Variants in EYS observed in about 807,000 individuals in gnomAD.
EYS encodes protein eyes shut homolog.
In EYS, 250 loss-of-function variants were observed where a neutral mutation model predicts 282.1. The ratio of observed to expected loss-of-function variants is 0.89; its 90% CI spans 0.80 to 0.98. EYS has a LOEUF of 0.98. Ranked by LOEUF, EYS falls within the 50% of genes least tolerant of loss-of-function variation. The pLI is 0.00. For synonymous variants in EYS, 1,355 were observed against 1,282.9 expected (o/e 1.06, Z -1.20); for missense variants, 4,016 against 3,709.0 (o/e 1.08, Z -2.15).
intron 26 of EYS, among the ~76,000 whole-genome samples, chr6:64,586,549 C>T (rs919443575): frequency 2.0e-5 from 3 of 151,308 alleles, no homozygotes; most frequent in Non-Finnish European, 3.0e-5. Context: ...TTAATAGATG[C>T]CAAAAAGATT....
At chr6:63,834,253 T>C (rs1771734933) in intron 36 of EYS, among the ~76,000 whole-genome samples, 1 of 152,038 alleles carries the variant, frequency 6.6e-6, no homozygotes, top group South Asian at 2.1e-4. Context: ...CAAAAGAAAC[T>C]ACCATGAGAG....
At chr6:65,623,112 A>C (rs2149803289) in intron 2 of EYS, among the ~76,000 whole-genome samples, 1 of 152,156 alleles carries the variant, frequency 6.6e-6, no homozygotes, top group South Asian at 2.1e-4. Flanking sequence ...AGTAGACCTT[A>C]CTTCTAATTA....
chr6:65,330,132 A>T, intron 11 of EYS: 1 of 982,048 alleles, frequency 1.0e-6, no homozygotes, highest in Non-Finnish European at 1.2e-6. Flanking sequence ...TTTCTAAATG[A>T]AACAGAAGAA....
At chr6:64,439,484 A>G (rs1261233562) in intron 26 of EYS, 132 bp from the exon 27 acceptor site, 3 of 524,580 alleles carry the variant, frequency 5.7e-6, no homozygotes, top group Non-Finnish European at 9.4e-6. Context: ...AAGCCCAGGC[A>G]CTTCTTTCCT....
chr6:64,714,564 C>T (rs1771318784), intron 22 of EYS, among the ~76,000 whole-genome samples: 1 of 144,538 alleles, frequency 6.9e-6, no homozygotes, highest in African/African-American at 2.7e-5. Context: ...CTGGCTCTGT[C>T]GCCCAGGCTG....
At chr6:64,128,602 G>A (rs936599838) in intron 31 of EYS, among the ~76,000 whole-genome samples, 2 of 152,028 alleles carry the variant, frequency 1.3e-5, no homozygotes, top group African/African-American at 2.4e-5. Context: ...TAAACTGCAA[G>A]AGAGAAATTT....
intron 36 of EYS, among the ~76,000 whole-genome samples, chr6:63,824,985 G>T (rs910594136): frequency 3.3e-5 from 5 of 152,188 alleles, no homozygotes; most frequent in African/African-American, 1.2e-4. Flanking sequence ...TTCTTTTGCA[G>T]CTGGGAGGCA....
intron 30 of EYS, among the ~76,000 whole-genome samples, chr6:64,261,000 C>A (rs1315381595): frequency 4.3e-5 from 4 of 92,100 alleles, no homozygotes; most frequent in Non-Finnish European, 9.8e-5. Flanking sequence ...GTATCACTTT[C>A]AGCACTTATC....
chr6:64,254,139 G>A (rs771570440), intron 30 of EYS, among the ~76,000 whole-genome samples: 20 of 151,980 alleles, frequency 1.3e-4, no homozygotes, highest in East Asian at 3.9e-4. Flanking sequence ...GGCCTTTCTC[G>A]TGTAATACCC....
At chr6:65,442,131 CT>C (rs1309259875) in intron 5 of EYS, among the ~76,000 whole-genome samples, 1 of 151,788 alleles carries the variant, frequency 6.6e-6, no homozygotes, top group Non-Finnish European at 1.5e-5. Flanking sequence ...GTGTTTTCTT[CT>C]TTAAAAAATA....
chr6:64,602,929 G>A (rs112812431), intron 24 of EYS, among the ~76,000 whole-genome samples: 253 of 152,074 alleles, frequency 1.7e-3, no homozygotes, highest in African/African-American at 5.9e-3. Flanking sequence ...TAAAAACAGA[G>A]CCCTGGGTGA....
At chr6:65,660,976 T>C (rs1280735660) in intron 1 of EYS, among the ~76,000 whole-genome samples, 1 of 151,896 alleles carries the variant, frequency 6.6e-6, no homozygotes, top group Non-Finnish European at 1.5e-5. Context: ...TATTTAATAA[T>C]ATAAATTGTA....
At chr6:65,053,780 G>A (rs1773340760) in intron 13 of EYS, among the ~76,000 whole-genome samples, 1 of 151,846 alleles carries the variant, frequency 6.6e-6, no homozygotes, top group Non-Finnish European at 1.5e-5. Flanking sequence ...AACAGGTAAA[G>A]GCCTGGATAT....
chr6:64,437,662 C>A (rs1381712788), intron 27 of EYS, among the ~76,000 whole-genome samples: 1 of 150,422 alleles, frequency 6.6e-6, no homozygotes, highest in Non-Finnish European at 1.5e-5. Context: ...TATAAATGGG[C>A]AAATAAGTCA....
intron 2 of EYS, among the ~76,000 whole-genome samples, chr6:65,519,219 G>A (rs991657583): frequency 6.6e-6 from 1 of 151,790 alleles, no homozygotes; most frequent in African/African-American, 2.4e-5. Context: ...TTGATTATTG[G>A]ATTGTGGATG....
chr6:63,787,362 G>T (rs1437281813), intron 39 of EYS: 2 of 152,216 alleles, frequency 1.3e-5, no homozygotes, highest in Non-Finnish European at 1.5e-5. Flanking sequence ...TCTGTCTCTT[G>T]CCTTTTGAAC....
chr6:64,993,615 T>C (rs892601282), intron 14 of EYS, among the ~76,000 whole-genome samples: 9 of 147,358 alleles, frequency 6.1e-5, no homozygotes, highest in South Asian at 2.2e-4. Context: ...TTAGGAGATA[T>C]ACCTAATGTT....
At chr6:65,112,198 C>T (rs1775233467) in intron 12 of EYS, among the ~76,000 whole-genome samples, 1 of 151,910 alleles carries the variant, frequency 6.6e-6, no homozygotes, top group Non-Finnish European at 1.5e-5. Context: ...CATGAACATT[C>T]CCGAGTATGC....
At chr6:64,251,805 T>G (rs1287478146) in intron 30 of EYS, among the ~76,000 whole-genome samples, 2 of 152,068 alleles carry the variant, frequency 1.3e-5, no homozygotes, top group African/African-American at 4.8e-5. Flanking sequence ...AAGAGGTTAA[T>G]GAGACCCACA....
Sources: allele counts gnomAD v4.1 joint callset (sites outside exome capture counted in the v4.1 genomes callset), GRCh38; gene constraint gnomAD v4.1.1; transcripts MANE v1.5; gene names NCBI Gene and HGNC (gene_info 2026-07-23, HGNC 2026-07-21).